The following MXRA8 variants were observed in gnomAD, a reference collection of about 807,000 sequenced individuals.
MXRA8 encodes matrix remodeling associated 8.
MXRA8 carries 44 observed loss-of-function variants against 51.4 expected under a neutral mutation model. The observed-to-expected ratio is 0.86, with a 90% CI of 0.67 to 1.10. The LOEUF (loss-of-function observed/expected upper bound fraction) is 1.10. Ranked by LOEUF, MXRA8 falls within the 50% of genes least tolerant of loss-of-function variation. The pLI is 0.00. For synonymous variants in MXRA8, 369 were observed against 293.5 expected (o/e 1.26, Z -2.63); for missense variants, 765 against 638.9 (o/e 1.20, Z -2.13).
At chr1:1,359,208 G>A (rs1470537068), upstream of MXRA8, 16 of 985,300 alleles carry the variant, frequency 1.6e-5, no homozygotes, top group Non-Finnish European at 1.9e-5. Context: ...GTGCTGGGGT[G>A]AGCAGACCTC....
upstream of MXRA8, chr1:1,358,692 C>T (rs1644181063): frequency 6.4e-6 from 9 of 1,395,582 alleles, no homozygotes; most frequent in South Asian, 9.9e-5. Context: ...TGCTGGCCTG[C>T]TGGGGAGGGG....
At chr1:1,357,552 A>G (rs747023077) in intron 1 of MXRA8, among the ~76,000 whole-genome samples, 1 of 152,172 alleles carries the variant, frequency 6.6e-6, no homozygotes, top group Non-Finnish European at 1.5e-5. Context: ...CACGCCTGTA[A>G]TCCCAGCACT....
intron 7 of MXRA8, 27 bp from the exon 8 acceptor site, chr1:1,354,133 A>T: frequency 4.3e-6 from 7 of 1,612,728 alleles, no homozygotes; most frequent in Non-Finnish European, 5.9e-6. Context: ...GGAGGAGGTT[A>T]CAGCTGGGTG....
chr1:1,359,697 C>T (rs564626376), upstream of MXRA8, among the ~76,000 whole-genome samples: 13 of 151,396 alleles, frequency 8.6e-5, no homozygotes, highest in East Asian at 1.2e-3. Flanking sequence ...GGACACGGAC[C>T]GGCGTAAGGA....
chr1:1,359,022 C>T (rs1487674759), upstream of MXRA8: 1 of 985,352 alleles, frequency 1.0e-6, no homozygotes, highest in Non-Finnish European at 1.2e-6. Flanking sequence ...TCCTTCAGAC[C>T]AGATGGCCCT....
At chr1:1,357,110 G>C (rs1476152739) in intron 1 of MXRA8, among the ~76,000 whole-genome samples, 1 of 152,184 alleles carries the variant, frequency 6.6e-6, no homozygotes, top group African/African-American at 2.4e-5. Flanking sequence ...AGACGCTGGG[G>C]ACCCCACACC....
intron 2 of MXRA8, 37 bp from the exon 3 acceptor site, chr1:1,355,789 GC>G (rs1299039288): frequency 5.8e-6 from 4 of 694,322 alleles, no homozygotes; most frequent in Admixed American, 8.0e-5. Context: ...GAAGGGGTGG[GC>G]CCCCTAGGGC....
Position 1,353,443 on chromosome 1 carries a change from A to AAGGGG in MXRA8, c.*160_*161insCCCCT, listed in dbSNP as rs1569774415. On this transcript the variant is annotated 3_prime_UTR_variant, in exon 10 of 10. Transcript: ENST00000309212. The stretch of plus-strand genomic sequence containing the variant: ...GCTATGCTGCCACCAAGCCCCTGGG[A>AAGGGG]GAGGGGTGTGGAGGCGGCCTCTGCA... 82 of 1,504,750 alleles carry AAGGGG rather than the reference A, an allele frequency of 5.4e-5. 1 individual carries two copies. In the East Asian group the frequency reaches 2.0e-3, roughly 37 times the overall value. The allele number at this position is 1,504,750 out of a possible 1,614,324, so 93.2% of individuals were successfully genotyped here.
chr1:1,355,434 T>G lies in MXRA8; in HGVS notation c.376+16A>C. Reference sequence around the variant, plus strand: ...CCCTGCCCCGACCCCGCGGCCCCGGTCCCCGGTCCCCGCACCGCGGATGAG... The same window carrying G: ...CCCTGCCCCGACCCCGCGGCCCCGGGCCCCGGTCCCCGCACCGCGGATGAG... On this transcript the variant is annotated intron_variant, in intron 3 of 9. Coordinates refer to ENST00000309212, the MANE Select transcript of MXRA8 (RefSeq NM_032348.4). 2 of 1,483,984 alleles carry G rather than the reference T, an allele frequency of 1.3e-6. No homozygotes were observed. The highest frequency in any genetic ancestry group is 1.8e-6 in the Non-Finnish European group (2 of 1,125,912). The allele number at this position is 1,483,984 out of a possible 1,614,324, so 91.9% of individuals were successfully genotyped here.
chr1:1,358,674 C>T, upstream of MXRA8: 1 of 1,404,962 alleles, frequency 7.1e-7, no homozygotes. Flanking sequence ...CTTGGCCTCC[C>T]CCATCGTTGC....
In MXRA8 at chr1:1,352,937, A is replaced by G; in HGVS notation, c.*667T>C. 2.7e-6 allele frequency: 1 copy of G among 369,602 alleles called. No homozygotes were observed. Among genetic ancestry groups the G allele is most frequent in the South Asian group, 2.7e-5 (1 of 36,578 alleles). The allele number at this position is 369,602 out of a possible 1,614,324, so 22.9% of individuals were successfully genotyped here. On this transcript the variant is annotated 3_prime_UTR_variant, in exon 10 of 10. Coordinates refer to ENST00000309212, the MANE Select transcript of MXRA8 (RefSeq NM_032348.4). ...TATCAAGGTGGCTGAGAGCAAGGCT[A>G]GGGTAGGGATGGGGCAGAGAAAGGG...
chr1:1,356,536 A>C, intron 2 of MXRA8, 145 bp downstream of exon 2: 1 of 429,476 alleles, frequency 2.3e-6, no homozygotes, highest in Non-Finnish European at 3.9e-6. Flanking sequence ...AGTTATTGGC[A>C]AGGGGAGGTG....
Position 1,355,531 on chromosome 1 carries a change from C to A in MXRA8, c.295G>T (p.Val99Leu). ...LDLYSAGEQR[V>L]YEARDRGRLE... Reference sequence around the variant, plus strand: ...CGGCCGCGGTCCCGCGCCTCGTACACGCGCTGCTCGCCCGCCGAGTACAAG... The same window carrying A: ...CGGCCGCGGTCCCGCGCCTCGTACAAGCGCTGCTCGCCCGCCGAGTACAAG... The change falls in exon 3 of 10, where the codon GTG becomes TTG. Residue 99 changes from valine (V) to leucine (L), a missense_variant. By Grantham distance (32) the Val-to-Leu change is conservative. Transcript: ENST00000309212. The A allele has an allele frequency of 6.7e-7, 1 of 1,493,682 alleles. No individual in the cohort carries two copies. The highest frequency in any genetic ancestry group is 8.8e-7 in the Non-Finnish European group (1 of 1,131,780). The allele number at this position is 1,493,682 out of a possible 1,614,324, so 92.5% of individuals were successfully genotyped here.
intron 1 of MXRA8, among the ~76,000 whole-genome samples, chr1:1,356,926 G>A (rs1644146072): frequency 6.6e-6 from 1 of 152,108 alleles, no homozygotes; most frequent in African/African-American, 2.4e-5. Context: ...CAGGGCATGG[G>A]CGTGGGCCAG....
At chr1:1,354,328 C>A in intron 6 of MXRA8, 26 bp downstream of exon 6, 3 of 1,603,170 alleles carry the variant, frequency 1.9e-6, no homozygotes, top group Non-Finnish European at 2.6e-6. Flanking sequence ...CTCCTGGGGC[C>A]GCTGGCTTTG....
At chr1:1,356,918 G>A (rs557371763) in intron 1 of MXRA8, among the ~76,000 whole-genome samples, 38 of 152,274 alleles carry the variant, frequency 2.5e-4, no homozygotes, top group Admixed American at 1.8e-3. Context: ...GGGGAAGCCA[G>A]GGCATGGGCG....
At chr1:1,354,530 G>A in intron 5 of MXRA8, 21 bp from the exon 6 acceptor site, 1 of 1,608,690 alleles carries the variant, frequency 6.2e-7, no homozygotes, top group Non-Finnish European at 8.5e-7. Flanking sequence ...CGCGGGGTCG[G>A]GGCGGCGTCA....
At chr1:1,356,631 G>A in intron 2 of MXRA8, 50 bp downstream of exon 2, 5 of 1,275,752 alleles carry the variant, frequency 3.9e-6, no homozygotes, top group Non-Finnish European at 5.0e-6. Flanking sequence ...GGCAAGATAG[G>A]AGGGGCTGAG....
upstream of MXRA8, chr1:1,358,986 C>T (rs1295027424): frequency 2.0e-6 from 2 of 985,358 alleles, no homozygotes; most frequent in Non-Finnish European, 1.2e-6. Context: ...TGAGACCGCC[C>T]CCACCCACGG....
Sources: allele counts gnomAD v4.1 joint callset (sites outside exome capture counted in the v4.1 genomes callset), GRCh38; gene constraint gnomAD v4.1.1; transcripts MANE v1.5; gene names NCBI Gene and HGNC (gene_info 2026-07-23, HGNC 2026-07-21).